HTR4: variants seen among roughly 807,000 people sequenced by gnomAD.
HTR4 encodes the protein 5-hydroxytryptamine (serotonin) receptor 4, G protein-coupled.
A neutral mutation model predicts 36.8 loss-of-function variants in HTR4; 16 were observed. The observed-to-expected ratio is 0.43, with a 90% CI of 0.29 to 0.66. HTR4 has a LOEUF of 0.66. Among genes scored for constraint, HTR4 ranks in the 30% least tolerant of loss-of-function variants. The pLI is 0.13. For missense variants in HTR4, 438 were observed against 490.9 expected (o/e 0.89, Z 1.02); for synonymous variants, 189 against 185.1 (o/e 1.02, Z -0.17).
At chr5:148,511,017 C>G (rs1425290380) in intron 5 of HTR4, among the ~76,000 whole-genome samples, 2 of 152,198 alleles carry the variant, frequency 1.3e-5, no homozygotes, top group Non-Finnish European at 2.9e-5. Flanking sequence ...TCCTCCCAGT[C>G]TCTCCTGAAC....
chr5:148,650,533 A>C (rs891617935), intron 1 of HTR4, among the ~76,000 whole-genome samples: 3 of 152,154 alleles, frequency 2.0e-5, no homozygotes, highest in Admixed American at 1.3e-4. Flanking sequence ...AGAATGGAGG[A>C]ATCAAAGGGC....
chr5:148,503,279 C>T (rs1561581871), intron 6 of HTR4, among the ~76,000 whole-genome samples: 1 of 152,194 alleles, frequency 6.6e-6, no homozygotes, highest in Non-Finnish European at 1.5e-5. Flanking sequence ...GCCCATCAGA[C>T]TAACAATGGA....
At chr5:148,631,283 T>C (rs537848947) in intron 2 of HTR4, among the ~76,000 whole-genome samples, 1 of 152,286 alleles carries the variant, frequency 6.6e-6, no homozygotes, top group East Asian at 1.9e-4. Context: ...CTCATTTACA[T>C]TTCTAAAGCA....
downstream of HTR4, among the ~76,000 whole-genome samples, chr5:148,474,817 G>A (rs555806440): frequency 1.3e-5 from 2 of 152,162 alleles, no homozygotes; most frequent in East Asian, 1.9e-4. Context: ...TAGTCTCGGC[G>A]GGTGGATTAC....
chr5:148,478,643 T>C (rs1229482861), downstream of HTR4, among the ~76,000 whole-genome samples: 1 of 152,078 alleles, frequency 6.6e-6, no homozygotes, highest in Non-Finnish European at 1.5e-5. Context: ...GAACATTCCA[T>C]CCAGGGCATA....
chr5:148,528,543 G>GA (rs71001492), intron 4 of HTR4, among the ~76,000 whole-genome samples: 6 of 151,214 alleles, frequency 4.0e-5, no homozygotes, highest in Non-Finnish European at 5.9e-5. Flanking sequence ...TTAAGTAGGT[G>GA]AAAAAAAAAT....
At chr5:148,503,928 C>A (rs1482706149) in intron 6 of HTR4, among the ~76,000 whole-genome samples, 1 of 152,188 alleles carries the variant, frequency 6.6e-6, no homozygotes, top group Non-Finnish European at 1.5e-5. Flanking sequence ...GGGATCAATT[C>A]AACAAGGAGA....
At chr5:148,609,446 A>G (rs1752316523) in intron 2 of HTR4, among the ~76,000 whole-genome samples, 1 of 152,356 alleles carries the variant, frequency 6.6e-6, no homozygotes, top group South Asian at 2.1e-4. Flanking sequence ...TCCCCAAAAT[A>G]TAAGGCAAAT....
rs1299762928 is a variant in HTR4, at chr5:148,548,789, C to T, written c.232G>A (p.Ala78Thr). ...LVSVLVMPFG[A>T]IELVQDIWIY... Reference sequence around the variant, plus strand: ...CAGATGTCTTGAACCAGCTCAATGGCACCAAAGGGCATCACCAGCACCGAA... The same window carrying T: ...CAGATGTCTTGAACCAGCTCAATGGTACCAAAGGGCATCACCAGCACCGAA... The change falls in exon 4 of 7, where the codon GCC becomes ACC. Residue 78 changes from alanine (A) to threonine (T), a missense_variant. Ala to Thr is a moderately conservative substitution (Grantham distance 58, BLOSUM62 0). Coordinates refer to ENST00000377888, the MANE Select transcript of HTR4 (RefSeq NM_000870.7). The T allele has an allele frequency of 1.2e-6, 2 of 1,613,994 alleles. No individual in the cohort carries two copies. Among genetic ancestry groups the T allele is most frequent in the East Asian group, 4.5e-5 (2 of 44,844 alleles).
intron 2 of HTR4, among the ~76,000 whole-genome samples, chr5:148,635,685 G>T (rs990710848): frequency 9.9e-5 from 15 of 152,126 alleles, no homozygotes; most frequent in African/African-American, 3.6e-4. Flanking sequence ...ATTATAATGT[G>T]TCACCATTGA....
chr5:148,543,361 A>G (rs1316432926), intron 4 of HTR4, among the ~76,000 whole-genome samples: 2 of 152,146 alleles, frequency 1.3e-5, no homozygotes, highest in South Asian at 2.1e-4. Context: ...ACTAAATGAC[A>G]TTGTTCAAAT....
chr5:148,519,526 G>T lies in HTR4; in HGVS notation c.507+3667C>A, dbSNP rs375629759. Among the ~76,000 whole-genome samples the T allele has an allele frequency of 2.6e-5, 4 of 152,250 alleles. No homozygotes were observed. The South Asian group carries it at 8.3e-4, about 32-fold the overall frequency. ...TGTATGTGTAGGTTTATATGTGTGG[G>T]TATATAGCTGGTCATCATTAGGCAT... On this transcript the variant is annotated intron_variant, in intron 5 of 6. Coordinates refer to ENST00000377888, the MANE Select transcript of HTR4 (RefSeq NM_000870.7).
intron 2 of HTR4, among the ~76,000 whole-genome samples, chr5:148,599,553 G>GA (rs1296399186): frequency 4.0e-5 from 6 of 150,220 alleles, no homozygotes; most frequent in African/African-American, 1.2e-4. Context: ...CTTCAAAAGT[G>GA]AAAAAAAATG....
chr5:148,486,664 T>C lies in HTR4; in HGVS notation c.1077-3371A>G, dbSNP rs1756173124. On this transcript the variant is annotated intron_variant, in intron 6 of 6. Coordinates refer to ENST00000377888, the MANE Select transcript of HTR4 (RefSeq NM_000870.7). ...GCACCAGCTGTGTGTGGGACTGTTC[T>C]CCAAAGCTGTGGGTAATTGCTTCAA... is the stretch of plus-strand genomic sequence containing the variant. Among the ~76,000 whole-genome samples the C allele has an allele frequency of 2.0e-5, 3 of 152,352 alleles. No individual in the cohort carries two copies. In the South Asian group the frequency reaches 6.2e-4, roughly 32 times the overall value.
rs369142988 is a variant in HTR4, at chr5:148,615,756, G to T, written c.26+21233C>A. Among the ~76,000 whole-genome samples the T allele has an allele frequency of 5.3e-5, 8 of 150,924 alleles. No homozygotes were observed. The East Asian group carries it at 1.2e-3, about 22-fold the overall frequency. ...ATAAAATAAAATAAAGCTCCTAAAGGTATGTTAAGTGGTTAAGTTTCTGGA... is the reference window on the plus strand; with the variant it reads ...ATAAAATAAAATAAAGCTCCTAAAGTTATGTTAAGTGGTTAAGTTTCTGGA... On this transcript the variant is annotated intron_variant, in intron 2 of 6. Transcript: ENST00000377888.
chr5:148,597,250 G>A (rs1179192151), intron 2 of HTR4, among the ~76,000 whole-genome samples: 1 of 152,118 alleles, frequency 6.6e-6, no homozygotes, highest in Non-Finnish European at 1.5e-5. Flanking sequence ...AACCTCTTAT[G>A]TATAGGATGC....
chr5:148,567,013 C>G (rs1292029266), intron 2 of HTR4, among the ~76,000 whole-genome samples: 1 of 151,562 alleles, frequency 6.6e-6, no homozygotes, highest in Non-Finnish European at 1.5e-5. Context: ...CATAACAGTG[C>G]CTTAATAATT....
chr5:148,527,208 G>T (rs765885014), intron 4 of HTR4, among the ~76,000 whole-genome samples: 3 of 152,150 alleles, frequency 2.0e-5, no homozygotes, highest in East Asian at 1.9e-4. Context: ...ATAATATCTT[G>T]CAGGACAAAA....
At chr5:148,563,908 T>C (rs1760323363) in intron 2 of HTR4, among the ~76,000 whole-genome samples, 1 of 151,950 alleles carries the variant, frequency 6.6e-6, no homozygotes, top group Admixed American at 6.5e-5. Context: ...AAGGGACAAA[T>C]GTATCTGTGG....
Sources: gnomAD v4.1 joint callset for allele counts (sites outside exome capture counted in the v4.1 genomes callset) on GRCh38, gnomAD v4.1.1 for gene constraint, MANE v1.5 for transcripts, NCBI Gene and HGNC (gene_info 2026-07-23, HGNC 2026-07-21) for gene names.